The following HTRA3 variants were observed in gnomAD, a reference collection of about 807,000 sequenced individuals.
The protein encoded by HTRA3 is serine protease HTRA3.
Under a neutral mutation model 43.2 loss-of-function variants are expected in HTRA3, and 41 were observed. The ratio of observed to expected loss-of-function variants is 0.95; its 90% CI spans 0.74 to 1.23. The LOEUF (loss-of-function observed/expected upper bound fraction) is 1.23, where lower values mean the gene tolerates loss of function less well. Ranked by LOEUF, HTRA3 falls within the 50% of genes most tolerant of loss-of-function variation. The probability of loss-of-function intolerance (pLI) is 0.00; values close to 1 mark genes in which losing one functional copy is unlikely to be tolerated. For synonymous variants in HTRA3, 295 were observed against 287.9 expected (o/e 1.02, Z -0.25); for missense variants, 628 against 647.1 (o/e 0.97, Z 0.32).
chr4:8,292,219 G>A, intron 4 of HTRA3, 102 bp from the exon 5 acceptor site: 1 of 979,640 alleles, frequency 1.0e-6, no homozygotes, highest in Non-Finnish European at 1.6e-6. Context: ...GATGAGACCT[G>A]CTTATGTGTC....
Position 8,279,647 on chromosome 4 carries a change from G to A in HTRA3, c.386-2790G>A, listed in dbSNP as rs1712664963. The stretch of plus-strand genomic sequence containing the variant: ...GGAAGGCAGCCTTTTCTAATCACCT[G>A]TGGGAGGAGAGGTGCTGCCATTCCT... On this transcript the variant is annotated intron_variant, in intron 1 of 8. Coordinates refer to ENST00000307358, the MANE Select transcript of HTRA3 (RefSeq NM_053044.5). This position sits in a 1 kb window ranked among gnomAD's most constrained non-coding sequence, Gnocchi z 7.4. Among the ~76,000 whole-genome samples, 1 of 152,204 alleles carries A rather than the reference G, an allele frequency of 6.6e-6. No homozygotes were observed. The highest frequency in any genetic ancestry group is 1.5e-5 in the Non-Finnish European group (1 of 68,030).
chr4:8,298,857 T>G (rs1162196058), intron 6 of HTRA3, among the ~76,000 whole-genome samples: 1 of 152,258 alleles, frequency 6.6e-6, no homozygotes, highest in Non-Finnish European at 1.5e-5. Context: ...TATTCAGTAC[T>G]GCACTGGCCC....
At chr4:8,294,848 A>G (rs1484258667) in intron 6 of HTRA3, among the ~76,000 whole-genome samples, 1 of 123,028 alleles carries the variant, frequency 8.1e-6, no homozygotes, top group Non-Finnish European at 1.7e-5. Flanking sequence ...CCATCCACCT[A>G]TCCATCATCC....
chr4:8,273,353 G>A (rs941823647), intron 1 of HTRA3, among the ~76,000 whole-genome samples: 2 of 152,178 alleles, frequency 1.3e-5, no homozygotes, highest in Non-Finnish European at 2.9e-5. Context: ...GTCACACTTA[G>A]TGGTGTGCCA....
Position 8,294,113 on chromosome 4 carries a change from G to A in HTRA3, c.963G>A (p.Thr321=), listed in dbSNP as rs185047403. 5.8e-5 allele frequency: 93 copies of A among 1,611,734 alleles called. No homozygotes were observed. The highest frequency in any genetic ancestry group is 5.0e-4 in the Middle Eastern group (3 of 6,038). The part of the protein sequence containing the change: ...NLDGEVIGIN[T]LKVTAGISFA... Reference sequence around the variant, plus strand: ...ATGGCGAGGTCATTGGCATCAACACGCTCAAGGTCACGGCTGGCATCTCCT... The same window carrying A: ...ATGGCGAGGTCATTGGCATCAACACACTCAAGGTCACGGCTGGCATCTCCT... Residue 321 remains threonine, a synonymous_variant, in exon 6 of 9, where the codon ACG becomes ACA. Transcript: ENST00000307358.
chr4:8,303,835 A>G (rs62286506), intron 7 of HTRA3, among the ~76,000 whole-genome samples: 43,650 of 151,410 alleles, frequency 0.29, 6,873 homozygotes, highest in East Asian at 0.61. Flanking sequence ...TGTCCATTCC[A>G]TGACTCAGCA....
At chr4:8,290,268 A>G (rs1713182425) in intron 3 of HTRA3, among the ~76,000 whole-genome samples, 1 of 152,256 alleles carries the variant, frequency 6.6e-6, no homozygotes, top group Non-Finnish European at 1.5e-5. Context: ...CATTATTGAC[A>G]GCTTTCTCCT....
At chr4:8,290,414 C>CA (rs1713187610) in intron 3 of HTRA3, among the ~76,000 whole-genome samples, 1 of 152,262 alleles carries the variant, frequency 6.6e-6, no homozygotes, top group African/African-American at 2.4e-5. Flanking sequence ...GCATGGGGTC[C>CA]TGCCCCACTG....
chr4:8,275,912 C>G (rs1244971862), intron 1 of HTRA3, among the ~76,000 whole-genome samples: 1 of 152,252 alleles, frequency 6.6e-6, no homozygotes, highest in East Asian at 1.9e-4. Context: ...GAATACCAGG[C>G]AGGCCCCTAG....
rs140541513 is a variant in HTRA3 at position 8,275,643 on chromosome 4, G to C, written c.385+5290G>C. 7.5e-4 allele frequency among the ~76,000 whole-genome samples: 114 copies of C among 152,342 alleles called. 1 individual carries two copies. Among genetic ancestry groups the C allele is most frequent in the South Asian group, 1.4e-3 (7 of 4,832 alleles). On this transcript the variant is annotated intron_variant, in intron 1 of 8. Coordinates refer to ENST00000307358, the MANE Select transcript of HTRA3 (RefSeq NM_053044.5). ...CTTGGCCTCCCACAGGCTCACCAGG[G>C]CCTGCCAGGTGGTCTGAACACCTTC... is the stretch of plus-strand genomic sequence containing the variant.
At chr4:8,283,728 A>G (rs1024589303) in intron 2 of HTRA3, among the ~76,000 whole-genome samples, 4 of 152,200 alleles carry the variant, frequency 2.6e-5, no homozygotes, top group Non-Finnish European at 4.4e-5. Flanking sequence ...ATGAGCAGTC[A>G]CCAGAGGCCG....
intron 5 of HTRA3, 26 bp from the exon 6 acceptor site, chr4:8,294,061 A>T: frequency 8.4e-6 from 13 of 1,542,036 alleles, no homozygotes; most frequent in Non-Finnish European, 1.2e-5. Flanking sequence ...CCCCCAACTG[A>T]TGCCTGCTCT....
chr4:8,288,079 AAT>A (rs1376020319), intron 3 of HTRA3, among the ~76,000 whole-genome samples: 3 of 152,202 alleles, frequency 2.0e-5, no homozygotes, highest in Non-Finnish European at 1.5e-5. Context: ...TTTGTGATGA[AAT>A]CTTTTGCAAG....
chr4:8,299,145 C>A (rs1202963694), intron 6 of HTRA3, among the ~76,000 whole-genome samples: 2 of 152,168 alleles, frequency 1.3e-5, no homozygotes, highest in Non-Finnish European at 2.9e-5. Context: ...TTATTTATAT[C>A]TTCTTTAACT....
rs375185515 is a variant in HTRA3, at chr4:8,279,459, C to T, written c.386-2978C>T. On this transcript the variant is annotated intron_variant, in intron 1 of 8. Transcript: ENST00000307358. The surrounding 1 kb of genome is among the most constrained non-coding windows in gnomAD (Gnocchi z 7.4). ...TTCCGGTGGAGGCCGCAGTGCTGTGCAGATCTTCAGGCTGCCGCGTCAGAG... is the reference window on the plus strand; with the variant it reads ...TTCCGGTGGAGGCCGCAGTGCTGTGTAGATCTTCAGGCTGCCGCGTCAGAG... Among the ~76,000 whole-genome samples, 181 of 152,104 alleles carry T rather than the reference C, an allele frequency of 1.2e-3. 6 individuals are homozygous for T. In the South Asian group the frequency reaches 0.03, roughly 25 times the overall value.
chr4:8,293,836 G>C (rs1295105097), intron 5 of HTRA3, among the ~76,000 whole-genome samples: 1 of 152,170 alleles, frequency 6.6e-6, no homozygotes, highest in Non-Finnish European at 1.5e-5. Flanking sequence ...GAGCCTGGGG[G>C]CAGGCCCGAG....
intron 2 of HTRA3, among the ~76,000 whole-genome samples, chr4:8,285,498 C>A (rs748167758): frequency 2.6e-5 from 4 of 152,228 alleles, no homozygotes; most frequent in Non-Finnish European, 5.9e-5. Context: ...CCAGACGTTT[C>A]CATCCCTCCA....
chr4:8,276,265 T>C (rs1483710513), intron 1 of HTRA3, among the ~76,000 whole-genome samples: 3 of 152,250 alleles, frequency 2.0e-5, no homozygotes, highest in Non-Finnish European at 2.9e-5. Flanking sequence ...GCACCTCAGT[T>C]TCTTCATCTG....
intron 8 of HTRA3, 65 bp downstream of exon 8, chr4:8,304,344 C>G: frequency 7.7e-7 from 1 of 1,300,254 alleles, no homozygotes; most frequent in South Asian, 1.2e-5. Context: ...CTGGGGCTGC[C>G]CCACTGACCT....
Sources: gnomAD v4.1 joint callset for allele counts (sites outside exome capture counted in the v4.1 genomes callset) on GRCh38, gnomAD v4.1.1 for gene constraint, Gnocchi (gnomAD v3.1) non-coding constraint, MANE v1.5 for transcripts, NCBI Gene and HGNC (gene_info 2026-07-23, HGNC 2026-07-21) for gene names.